PAH: variants seen among roughly 807,000 people sequenced by gnomAD.
The protein encoded by PAH is phenylalanine hydroxylase.
Under a neutral mutation model 62.0 loss-of-function variants are expected in PAH, and 64 were observed. That is an observed-to-expected ratio of 1.03 (90% CI 0.84 to 1.27). The LOEUF (loss-of-function observed/expected upper bound fraction) is 1.27. PAH is among the 50% of genes most tolerant of loss of function. The probability of loss-of-function intolerance (pLI) is 0.00; values close to 1 mark genes in which losing one functional copy is unlikely to be tolerated. For synonymous variants in PAH, 195 were observed against 196.2 expected, an observed-to-expected ratio of 0.99 and a Z score of 0.05; for missense variants, 579 against 542.8, an observed-to-expected ratio of 1.07 and a Z score of -0.66.
In PAH at chr12:102,859,469, T is replaced by G. The variant is rs1379165047; in HGVS notation, c.510-4137A>C. On this transcript the variant is annotated intron_variant, in intron 5 of 12. Coordinates refer to ENST00000553106, the MANE Select transcript of PAH (RefSeq NM_000277.3). Reference sequence around the variant, plus strand: ...AAAAGAGGGAATCCTCCCTAACTCATTTTATGAGGCCAGCATCATCCTGAT... The same window carrying G: ...AAAAGAGGGAATCCTCCCTAACTCAGTTTATGAGGCCAGCATCATCCTGAT... 3.3e-5 allele frequency among the ~76,000 whole-genome samples: 5 copies of G among 152,196 alleles called. No individual in the cohort carries two copies. The East Asian group carries it at 5.8e-4, about 18-fold the overall frequency.
At chr12:102,924,213 C>T (rs1159828172) in intron 1 of PAH, among the ~76,000 whole-genome samples, 2 of 152,174 alleles carry the variant, frequency 1.3e-5, no homozygotes, top group Admixed American at 1.3e-4. Flanking sequence ...CTTATAAATC[C>T]TTACAGTGAG....
exon 1 of PAH, chr12:102,958,264 T>C (rs1420671390): frequency 2.0e-6 from 3 of 1,474,736 alleles, no homozygotes; most frequent in South Asian, 2.6e-5. Flanking sequence ...TCTGCCAAGA[T>C]GGAGAGCGGC....
In PAH at chr12:102,860,891, A is replaced by G. The variant is rs568084177; in HGVS notation, c.510-5559T>C. Among the ~76,000 whole-genome samples, 7 of 152,314 alleles carry G rather than the reference A, an allele frequency of 4.6e-5. No homozygotes were observed. The East Asian group carries it at 7.7e-4, about 17-fold the overall frequency. ...AAAACCATAAAAACCCTAGAAGAAAACTTAGGTAATACCATTCAGGACATA... is the reference window on the plus strand; with the variant it reads ...AAAACCATAAAAACCCTAGAAGAAAGCTTAGGTAATACCATTCAGGACATA... On this transcript the variant is annotated intron_variant, in intron 5 of 12. Transcript: ENST00000553106.
At chr12:102,901,702 T>C (rs993841876) in intron 2 of PAH, among the ~76,000 whole-genome samples, 3 of 152,164 alleles carry the variant, frequency 2.0e-5, no homozygotes, top group African/African-American at 7.2e-5. Context: ...CTATGTGCTG[T>C]TATCTTGGAG....
At chr12:102,953,335 C>A (rs188405428), upstream of PAH, 1 of 152,182 alleles carries the variant, frequency 6.6e-6, no homozygotes, top group Non-Finnish European at 1.5e-5. Flanking sequence ...CAATGAAAAT[C>A]CTAGTTTCAC....
chr12:102,949,270 G>T (rs766260664), intron 1 of PAH, among the ~76,000 whole-genome samples: 12 of 152,172 alleles, frequency 7.9e-5, no homozygotes, highest in Non-Finnish European at 1.6e-4. Flanking sequence ...GCTACCAAGA[G>T]CCATAATCCT....
chr12:102,944,746 G>A (rs191203678), intron 1 of PAH, among the ~76,000 whole-genome samples: 42 of 152,260 alleles, frequency 2.8e-4, no homozygotes, highest in African/African-American at 9.1e-4. Flanking sequence ...TGCAGCATTG[G>A]TTCCTGGTGT....
chr12:102,904,861 T>C (rs754264591), intron 2 of PAH: 1 of 307,778 alleles, frequency 3.2e-6, no homozygotes. Flanking sequence ...ACTTTTCTTC[T>C]GGCGAATGGC....
chr12:102,868,084 G>A lies in PAH; in HGVS notation c.442-1421C>T, dbSNP rs548754598. On this transcript the variant is annotated intron_variant, in intron 4 of 12. Transcript: ENST00000553106. The stretch of plus-strand genomic sequence containing the variant: ...TACACATATATATACATATATGTGT[G>A]TGTGTATATATATATATATACACAT... Among the ~76,000 whole-genome samples the A allele has an allele frequency of 4.6e-4, 49 of 106,636 alleles. 8 individuals are homozygous for A. The highest frequency in any genetic ancestry group is 2.0e-3 in the African/African-American group (44 of 21,582). The allele number at this position is 106,636 out of a possible 152,430, so 70.0% of individuals were successfully genotyped here.
chr12:102,949,283 C>T (rs1879639314), intron 1 of PAH, among the ~76,000 whole-genome samples: 1 of 152,158 alleles, frequency 6.6e-6, no homozygotes, highest in Admixed American at 6.5e-5. Context: ...ATAATCCTGG[C>T]ACCAGCAAGG....
chr12:102,889,402 CATAGATAG>C (rs10526127), intron 3 of PAH, among the ~76,000 whole-genome samples: 17,684 of 147,838 alleles, frequency 0.12, 1,044 homozygotes, highest in Middle Eastern at 0.16. Flanking sequence ...TCCCAGACAA[CATAGATAG>C]ATAGATAGAT....
chr12:102,913,414 AC>A (rs2136729019), intron 1 of PAH, among the ~76,000 whole-genome samples: 1 of 152,276 alleles, frequency 6.6e-6, no homozygotes, highest in African/African-American at 2.4e-5. Context: ...GAATCGTAAG[AC>A]CTGGATTGGA....
rs754538733 is a variant in PAH at position 102,839,171 on chromosome 12, G to A, written c.*4C>T. On this transcript the variant is annotated 3_prime_UTR_variant, in exon 13 of 13. Transcript: ENST00000553106. Reference sequence around the variant, plus strand: ...AGCTGACAGACCACATTCTGTCCATGGCTTTACTTTATTTTCTGGAGGGCA... The same window carrying A: ...AGCTGACAGACCACATTCTGTCCATAGCTTTACTTTATTTTCTGGAGGGCA... The A allele has an allele frequency of 1.2e-6, 2 of 1,613,082 alleles. No individual in the cohort carries two copies. The highest frequency in any genetic ancestry group is 1.7e-6 in the Non-Finnish European group (2 of 1,179,174).
upstream of PAH, among the ~76,000 whole-genome samples, chr12:102,918,450 T>TAAATAAAA (rs201784493): frequency 0.026 from 3,527 of 138,052 alleles, 151 homozygotes; most frequent in African/African-American, 0.094. Context: ...CATCTGAAAA[T>TAAATAAAA]AAATAAACAA....
intron 1 of PAH, among the ~76,000 whole-genome samples, chr12:102,932,657 A>G (rs1291931875): frequency 2.6e-5 from 4 of 152,206 alleles, no homozygotes; most frequent in Admixed American, 2.0e-4. Context: ...CAACAGGTGT[A>G]TATAGAACAT....
chr12:102,903,155 G>A (rs958903039), intron 2 of PAH, among the ~76,000 whole-genome samples: 4 of 152,212 alleles, frequency 2.6e-5, no homozygotes, highest in African/African-American at 9.6e-5. Context: ...GAGGTCAGGA[G>A]TTCGAGAACA....
chr12:102,939,133 C>A (rs911956973), intron 1 of PAH, among the ~76,000 whole-genome samples: 3 of 152,076 alleles, frequency 2.0e-5, no homozygotes, highest in African/African-American at 7.2e-5. Flanking sequence ...CAGAAACCCC[C>A]ACTTGGGCCT....
At chr12:102,904,708 T>C (rs1234022050) in intron 2 of PAH, 1 of 496,132 alleles carries the variant, frequency 2.0e-6, no homozygotes. Context: ...GGTCCAGAAA[T>C]GTGTTGTAAA....
intron 8 of PAH, among the ~76,000 whole-genome samples, chr12:102,850,799 CT>C (rs1565845735): frequency 6.6e-6 from 1 of 152,120 alleles, no homozygotes; most frequent in Non-Finnish European, 1.5e-5. Context: ...CCAAAACTTT[CT>C]TTTTTGGCCA....
Sources: gnomAD v4.1 joint callset for allele counts (sites outside exome capture counted in the v4.1 genomes callset) on GRCh38, gnomAD v4.1.1 for gene constraint, MANE v1.5 for transcripts, NCBI Gene and HGNC (gene_info 2026-07-23, HGNC 2026-07-21) for gene names.